The following THEMIS variants were observed in gnomAD, a reference collection of about 807,000 sequenced individuals.
THEMIS encodes the protein thymocyte selection associated, also known as protein THEMIS.
Under a neutral mutation model 52.6 loss-of-function variants are expected in THEMIS, and 37 were observed. That is an observed-to-expected ratio of 0.70 (90% CI 0.54 to 0.93). THEMIS has a LOEUF of 0.93. Among genes scored for constraint, THEMIS ranks in the 40% least tolerant of loss-of-function variants. The pLI, the probability that THEMIS is intolerant of heterozygous loss-of-function variation, is 0.00. For missense variants in THEMIS, 808 were observed against 763.1 expected (o/e 1.06, Z -0.69); for synonymous variants, 292 against 272.7 (o/e 1.07, Z -0.70).
chr6:127,823,631 A>T (rs1300290467), intron 3 of THEMIS, among the ~76,000 whole-genome samples: 3 of 152,042 alleles, frequency 2.0e-5, no homozygotes, highest in Non-Finnish European at 4.4e-5. Flanking sequence ...AACTAATGAA[A>T]ATTGTGTTTT....
chr6:127,848,696 C>A (rs562456096), intron 2 of THEMIS, among the ~76,000 whole-genome samples: 15 of 152,062 alleles, frequency 9.9e-5, no homozygotes, highest in African/African-American at 3.6e-4. Flanking sequence ...CATTTTTTCA[C>A]ATGTCTGTTG....
Position 127,813,412 on chromosome 6 carries a change from A to T in THEMIS, c.1229T>A (p.Val410Asp), listed in dbSNP as rs143299852. ...LCEGIKKVVN[V>D]LACEKILKKS... ...TTTGAGGATTTTTTCACAGGCCAGA[A>T]CATTCACCACTTTTTTTATTCCCTC... The change falls in exon 4 of 6, where the codon GTT becomes GAT. Residue 410 changes from valine (V) to aspartate (D), a missense_variant. Physicochemically the swap from Val to Asp is radical, Grantham distance 152. Coordinates refer to ENST00000368248, the MANE Select transcript of THEMIS (RefSeq NM_001010923.3). 2.5e-6 allele frequency: 4 copies of T among 1,613,932 alleles called. No homozygotes were observed. The highest frequency in any genetic ancestry group is 3.4e-6 in the Non-Finnish European group (4 of 1,179,954).
intron 4 of THEMIS, among the ~76,000 whole-genome samples, chr6:127,773,188 C>T (rs569946844): frequency 5.8e-4 from 88 of 152,216 alleles, no homozygotes; most frequent in Non-Finnish European, 1.0e-3. Flanking sequence ...AGACAAAGAA[C>T]GTAGCTCTTT....
At chr6:127,892,597 C>T (rs777636787) in intron 1 of THEMIS, among the ~76,000 whole-genome samples, 8 of 152,038 alleles carry the variant, frequency 5.3e-5, no homozygotes, top group Non-Finnish European at 8.8e-5. Context: ...ATTCTAGGCT[C>T]GCTTAACATT....
chr6:127,783,043 A>C (rs1458610562), intron 4 of THEMIS, among the ~76,000 whole-genome samples: 1 of 152,218 alleles, frequency 6.6e-6, no homozygotes, highest in Non-Finnish European at 1.5e-5. Context: ...AAACAGAGAT[A>C]TAGACCAATG....
intron 2 of THEMIS, among the ~76,000 whole-genome samples, chr6:127,841,427 C>T (rs567433746): frequency 6.6e-6 from 1 of 151,774 alleles, no homozygotes; most frequent in African/African-American, 2.4e-5. Context: ...AGAATTGTGC[C>T]GGTAAGAAAG....
At chr6:127,773,649 A>C (rs1776460224) in intron 4 of THEMIS, among the ~76,000 whole-genome samples, 1 of 152,192 alleles carries the variant, frequency 6.6e-6, no homozygotes, top group Non-Finnish European at 1.5e-5. Context: ...CTGTCACTTA[A>C]CTTTGAAAAA....
intron 2 of THEMIS, among the ~76,000 whole-genome samples, chr6:127,851,855 T>C (rs1278256740): frequency 5.9e-5 from 9 of 151,610 alleles, no homozygotes; most frequent in East Asian, 1.9e-4. Flanking sequence ...CCCAAAGGAG[T>C]TGAAAACACA....
At chr6:127,873,325 A>G (rs1294684659) in intron 1 of THEMIS, among the ~76,000 whole-genome samples, 1 of 152,206 alleles carries the variant, frequency 6.6e-6, no homozygotes, top group Non-Finnish European at 1.5e-5. Context: ...AAGGAACTAG[A>G]CACGCTAAAA....
chr6:127,773,148 A>G (rs140977678), intron 4 of THEMIS, among the ~76,000 whole-genome samples: 84 of 152,312 alleles, frequency 5.5e-4, no homozygotes, highest in African/African-American at 1.9e-3. Context: ...GAATAGAATT[A>G]TGCCCTGGAA....
chr6:127,728,464 A>G (rs547998077), intron 4 of THEMIS, among the ~76,000 whole-genome samples: 1 of 152,338 alleles, frequency 6.6e-6, no homozygotes, highest in South Asian at 2.1e-4. Context: ...TGGAGGCTAC[A>G]TCTGTAACAC....
At chr6:127,916,348 T>G (rs1167569693) in intron 1 of THEMIS, among the ~76,000 whole-genome samples, 1 of 152,058 alleles carries the variant, frequency 6.6e-6, no homozygotes, top group African/African-American at 2.4e-5. Context: ...GCCCACCCAG[T>G]CCCCACCACT....
intron 4 of THEMIS, among the ~76,000 whole-genome samples, chr6:127,726,496 T>C (rs558096028): frequency 6.6e-6 from 1 of 152,258 alleles, no homozygotes; most frequent in East Asian, 1.9e-4. Context: ...ATTAAGATTA[T>C]TTTATACTTC....
chr6:127,817,926 CTGG>C (rs1778192775), intron 3 of THEMIS, among the ~76,000 whole-genome samples: 1 of 152,196 alleles, frequency 6.6e-6, no homozygotes, highest in Non-Finnish European at 1.5e-5. Flanking sequence ...CCTTGTGCTT[CTGG>C]CAGGGTGAGA....
At chr6:127,738,735 G>C (rs12665235) in intron 4 of THEMIS, among the ~76,000 whole-genome samples, 21,691 of 152,044 alleles carry the variant, frequency 0.14, 1,664 homozygotes, top group African/African-American at 0.19. Context: ...TAGCCCTTGA[G>C]ACATAAGTGG....
intron 2 of THEMIS, among the ~76,000 whole-genome samples, chr6:127,852,714 G>A (rs551434423): frequency 4.0e-5 from 6 of 151,530 alleles, no homozygotes; most frequent in African/African-American, 1.4e-4. Flanking sequence ...AATAACATTA[G>A]TATCTTTGAT....
chr6:127,871,177 C>A (rs1780145660), intron 1 of THEMIS, among the ~76,000 whole-genome samples: 1 of 151,898 alleles, frequency 6.6e-6, no homozygotes, highest in South Asian at 2.1e-4. Flanking sequence ...CAGAAAGATA[C>A]CAAGAAATTC....
At chr6:127,818,682 T>C (rs778516928) in intron 3 of THEMIS, among the ~76,000 whole-genome samples, 17 of 151,884 alleles carry the variant, frequency 1.1e-4, no homozygotes, top group Admixed American at 1.0e-3. Context: ...AGCACATATT[T>C]GGGAATTACT....
At chr6:127,707,179 C>G (rs918324056), downstream of THEMIS, among the ~76,000 whole-genome samples, 1 of 152,024 alleles carries the variant, frequency 6.6e-6, no homozygotes, top group Non-Finnish European at 1.5e-5. Context: ...ACTCAATTAC[C>G]TCCCACCAGG....
Sources: allele counts gnomAD v4.1 joint callset (sites outside exome capture counted in the v4.1 genomes callset), GRCh38; gene constraint gnomAD v4.1.1; transcripts MANE v1.5; gene names NCBI Gene and HGNC (gene_info 2026-07-23, HGNC 2026-07-21).